The following RALYL variants were observed in gnomAD, a reference collection of about 807,000 sequenced individuals.
RALYL encodes the protein RNA-binding Raly-like protein.
Under a neutral mutation model 35.1 loss-of-function variants are expected in RALYL, and 29 were observed. The observed-to-expected ratio is 0.83, with a 90% CI of 0.61 to 1.13. The LOEUF (loss-of-function observed/expected upper bound fraction) is 1.13. Ranked by LOEUF, RALYL falls within the 50% of genes most tolerant of loss-of-function variation. The pLI is 0.00. For missense variants in RALYL, 359 were observed against 360.4 expected (o/e 1.00, Z 0.03); for synonymous variants, 120 against 127.6 (o/e 0.94, Z 0.40).
At position 84,873,216 on chromosome 8, in the gene RALYL, G is replaced by C; in HGVS notation, c.572-68G>C. 2.5e-5 allele frequency: 20 copies of C among 794,826 alleles called. No individual in the cohort carries two copies. In the South Asian group the frequency reaches 3.4e-4, roughly 14 times the overall value. 49.2% of individuals were successfully genotyped at this position (794,826 alleles called of 1,614,324 possible). A position where few individuals can be genotyped will look rare whatever the true frequency, so the allele number is the denominator to read the frequency against. ...TTGAGAAAATACGGGGTCCCTGTGA[G>C]TTCGGTCCTAGGTGAGTTATGGTGC... is the stretch of plus-strand genomic sequence containing the variant. On this transcript the variant is annotated intron_variant, in intron 6 of 8. Transcript: ENST00000521268.
At chr8:84,408,462 T>C (rs140622871) in intron 1 of RALYL, among the ~76,000 whole-genome samples, 4,151 of 152,282 alleles carry the variant, frequency 0.027, 183 homozygotes, top group African/African-American at 0.095. Context: ...TTAATGATGA[T>C]GACAATAATT....
intron 8 of RALYL, among the ~76,000 whole-genome samples, chr8:84,898,614 C>T (rs773660275): frequency 4.6e-5 from 7 of 152,160 alleles, no homozygotes; most frequent in African/African-American, 9.7e-5. Context: ...AATAAGGTAA[C>T]ACTGCACACC....
chr8:84,766,907 GGGT>G (rs1430114241), intron 2 of RALYL, among the ~76,000 whole-genome samples: 1 of 152,022 alleles, frequency 6.6e-6, no homozygotes, highest in Non-Finnish European at 1.5e-5. Context: ...ACAGTGCGTG[GGGT>G]GCTGAAGGGC....
chr8:84,218,467 A>G (rs1821369508), intron 1 of RALYL, among the ~76,000 whole-genome samples: 1 of 152,096 alleles, frequency 6.6e-6, no homozygotes, highest in Admixed American at 6.6e-5. Flanking sequence ...CTGTGTTCAG[A>G]GCTGTTAAAA....
chr8:84,911,567 C>T (rs1318380613), intron 8 of RALYL, among the ~76,000 whole-genome samples: 1 of 152,102 alleles, frequency 6.6e-6, no homozygotes, highest in African/African-American at 2.4e-5. Context: ...AGCTATTCTC[C>T]AGTGGATACC....
chr8:84,656,752 T>C (rs1830030068), intron 2 of RALYL, among the ~76,000 whole-genome samples: 1 of 152,138 alleles, frequency 6.6e-6, no homozygotes, highest in African/African-American at 2.4e-5. Context: ...CTGAGATAAA[T>C]ATACTTGAAA....
intron 2 of RALYL, among the ~76,000 whole-genome samples, chr8:84,761,791 G>C (rs969059169): frequency 3.3e-5 from 5 of 152,092 alleles, no homozygotes; most frequent in African/African-American, 4.8e-5. Flanking sequence ...ACATGGGAGG[G>C]GGTCCAGTAA....
chr8:84,205,061 G>C (rs1242110140), intron 1 of RALYL, among the ~76,000 whole-genome samples: 3 of 152,120 alleles, frequency 2.0e-5, no homozygotes, highest in Non-Finnish European at 4.4e-5. Context: ...TGACCCACTA[G>C]ATTATTCTCA....
intron 1 of RALYL, among the ~76,000 whole-genome samples, chr8:84,276,142 T>G (rs1361838665): frequency 6.6e-6 from 1 of 152,194 alleles, no homozygotes; most frequent in Admixed American, 6.5e-5. Context: ...CATTGTTTTA[T>G]TTTTTGTTTG....
intron 1 of RALYL, among the ~76,000 whole-genome samples, chr8:84,311,053 C>CAAAAAAAAAAAAAAAAAAAAAAA (rs34029529): frequency 3.1e-4 from 3 of 9,530 alleles, no homozygotes; most frequent in African/African-American, 8.3e-4. Context: ...GACTCCGTCT[C>CAAAAAAAAAAAAAAAAAAAAAAA]AAAAAAAAAA....
At chr8:84,688,051 G>GTATTTCAT (rs1837202222) in intron 2 of RALYL, among the ~76,000 whole-genome samples, 1 of 151,274 alleles carries the variant, frequency 6.6e-6, no homozygotes, top group African/African-American at 2.4e-5. Flanking sequence ...GACACTCAAA[G>GTATTTCAT]TATTTCATTT....
intron 1 of RALYL, among the ~76,000 whole-genome samples, chr8:84,197,576 T>G (rs950648893): frequency 9.2e-5 from 14 of 152,306 alleles, no homozygotes; most frequent in African/African-American, 3.4e-4. Context: ...GCTTTATTTT[T>G]CTACTTCCCC....
intron 2 of RALYL, among the ~76,000 whole-genome samples, chr8:84,565,388 T>C (rs2135673305): frequency 6.6e-6 from 1 of 151,652 alleles, no homozygotes; most frequent in African/African-American, 2.4e-5. Flanking sequence ...ATCTAGCATC[T>C]CAACAGGAAA....
At chr8:84,443,956 C>T (rs889918003) in intron 1 of RALYL, among the ~76,000 whole-genome samples, 1 of 152,068 alleles carries the variant, frequency 6.6e-6, no homozygotes, top group African/African-American at 2.4e-5. Context: ...GTCAGTTTTC[C>T]TAACTTTTAC....
At chr8:84,629,910 A>G (rs1823562235) in intron 2 of RALYL, among the ~76,000 whole-genome samples, 1 of 152,090 alleles carries the variant, frequency 6.6e-6, no homozygotes, top group African/African-American at 2.4e-5. Flanking sequence ...GACTATGCTG[A>G]CATCCAAAAA....
intron 2 of RALYL, among the ~76,000 whole-genome samples, chr8:84,633,977 AT>A (rs1824486382): frequency 6.6e-6 from 1 of 151,898 alleles, no homozygotes; most frequent in Admixed American, 6.6e-5. Flanking sequence ...TTAAAATGAT[AT>A]AATGAATATA....
intron 1 of RALYL, among the ~76,000 whole-genome samples, chr8:84,398,330 A>G (rs73302509): frequency 0.028 from 4,290 of 151,994 alleles, 196 homozygotes; most frequent in African/African-American, 0.098. Flanking sequence ...CCTTGCCAAT[A>G]CATTATTAAT....
At chr8:84,407,403 CA>C (rs2043650363) in intron 1 of RALYL, among the ~76,000 whole-genome samples, 1 of 152,158 alleles carries the variant, frequency 6.6e-6, no homozygotes, top group African/African-American at 2.4e-5. Flanking sequence ...TTCAAACATG[CA>C]AAAGTAGAGA....
chr8:84,445,608 A>G (rs542597843), intron 1 of RALYL, among the ~76,000 whole-genome samples: 20 of 151,920 alleles, frequency 1.3e-4, no homozygotes, highest in African/African-American at 4.6e-4. Flanking sequence ...AAAAAAAAGA[A>G]TGGTTAATAC....
Sources: gnomAD v4.1 joint callset for allele counts (sites outside exome capture counted in the v4.1 genomes callset) on GRCh38, gnomAD v4.1.1 for gene constraint, MANE v1.5 for transcripts, NCBI Gene and HGNC (gene_info 2026-07-23, HGNC 2026-07-21) for gene names.